SUCO: variants seen among roughly 807,000 people sequenced by gnomAD.
The protein encoded by SUCO is SUN domain containing ossification factor.
SUCO carries 57 observed loss-of-function variants against 148.1 expected under a neutral mutation model. The ratio of observed to expected loss-of-function variants is 0.38; its 90% CI spans 0.31 to 0.48. SUCO has a LOEUF of 0.48. Ranked by LOEUF, SUCO falls within the 20% of genes least tolerant of loss-of-function variation. SUCO has a pLI of 0.96. For synonymous variants in SUCO, 470 were observed against 502.7 expected, an observed-to-expected ratio of 0.93 and a Z score of 0.87; for missense variants, 1,331 against 1,468.2, an observed-to-expected ratio of 0.91 and a Z score of 1.53.
At chr1:172,575,377 A>T (rs1371681566) in intron 10 of SUCO, 141 bp from the exon 11 acceptor site, 1 of 560,362 alleles carries the variant, frequency 1.8e-6, no homozygotes, top group Non-Finnish European at 3.1e-6. Flanking sequence ...AAATGTATTA[A>T]ATGTATGTAT....
chr1:172,570,707 G>A lies in SUCO; in HGVS notation c.1026G>A (p.Leu342=). Residue 342 remains leucine, a synonymous_variant, in exon 9 of 24, where the codon TTG becomes TTA. Coordinates refer to ENST00000263688, the MANE Select transcript of SUCO (RefSeq NM_014283.5). ...TAGAAAATATGGATCTTTACATGTT[G>A]AATCCTTGCAGCACTAAAATTTGGT... ...ILIENMDLYM[L]NPCSTKIWFV... is the part of the protein sequence containing the mutation. The A allele has an allele frequency of 6.2e-7, 1 of 1,607,814 alleles. No individual in the cohort carries two copies.
chr1:172,548,124 CAAGTTT>C (rs1410613965), intron 1 of SUCO, among the ~76,000 whole-genome samples: 2 of 151,878 alleles, frequency 1.3e-5, no homozygotes, highest in Non-Finnish European at 2.9e-5. Flanking sequence ...TAGATCCATT[CAAGTTT>C]ATCAGTCTAT....
rs1656468574 is a variant in SUCO, at chr1:172,589,376, C to T, written c.2275C>T (p.His759Tyr). The T allele has an allele frequency of 6.2e-7, 1 of 1,613,588 alleles. No individual in the cohort carries two copies. The highest frequency in any genetic ancestry group is 8.5e-7 in the Non-Finnish European group (1 of 1,179,840). ...VSESVEYEAG[H>Y]IPSPVIPQES... is the part of the protein sequence containing the mutation. ...TGAGTCTGTTGAATATGAGGCAGGA[C>T]ATATACCATCACCAGTGATTCCCCA... is the stretch of plus-strand genomic sequence containing the variant. Residue 759 changes from histidine (H) to tyrosine (Y), a missense_variant, in exon 18 of 24, where the codon CAT becomes TAT. Physicochemically the swap from His to Tyr is moderately conservative, Grantham distance 83. Coordinates refer to ENST00000263688, the MANE Select transcript of SUCO (RefSeq NM_014283.5).
intron 22 of SUCO, among the ~76,000 whole-genome samples, chr1:172,606,818 A>G (rs983622212): frequency 1.3e-5 from 2 of 151,450 alleles, no homozygotes; most frequent in Admixed American, 6.6e-5. Context: ...TCTCTTTTAG[A>G]TTCTCATATT....
intron 1 of SUCO, among the ~76,000 whole-genome samples, chr1:172,548,709 G>C (rs1453598026): frequency 6.6e-6 from 1 of 151,966 alleles, no homozygotes; most frequent in East Asian, 1.9e-4. Context: ...GTTGCAGCAT[G>C]GTTGGAGAAT....
At chr1:172,549,503 A>G (rs114636949) in intron 1 of SUCO, among the ~76,000 whole-genome samples, 177 of 152,114 alleles carry the variant, frequency 1.2e-3, no homozygotes, top group African/African-American at 4.1e-3. Context: ...CATTAGGCAG[A>G]TATAAAAAGC....
intron 19 of SUCO, 113 bp from the exon 20 acceptor site, chr1:172,599,951 A>T: frequency 1.4e-6 from 1 of 697,002 alleles, no homozygotes; most frequent in Non-Finnish European, 2.3e-6. Context: ...GATTCCTATT[A>T]ATACATTTGT....
At chr1:172,549,251 T>G (rs1653098168) in intron 1 of SUCO, among the ~76,000 whole-genome samples, 1 of 151,864 alleles carries the variant, frequency 6.6e-6, no homozygotes, top group Non-Finnish European at 1.5e-5. Context: ...GTAAAGTTTC[T>G]TCATTAAAAC....
Position 172,533,332 on chromosome 1 carries a change from G to T in SUCO, c.-104G>T, listed in dbSNP as rs764170214. 2 of 1,551,478 alleles carry T rather than the reference G, an allele frequency of 1.3e-6. No homozygotes were observed. The highest frequency in any genetic ancestry group is 1.7e-6 in the Non-Finnish European group (2 of 1,146,990). ...AGCGCCATAGCCCTTAGGACTATCG[G>T]TCACATTCTCGCGCTCCTGCTCCGG... is the stretch of plus-strand genomic sequence containing the variant. On this transcript the variant is annotated 5_prime_UTR_variant, in exon 1 of 24. Coordinates refer to ENST00000263688, the MANE Select transcript of SUCO (RefSeq NM_014283.5).
intron 6 of SUCO, among the ~76,000 whole-genome samples, chr1:172,568,699 A>G (rs916548784): frequency 6.6e-6 from 1 of 152,164 alleles, no homozygotes; most frequent in African/African-American, 2.4e-5. Context: ...TGGCAAGTAT[A>G]CAATTTATTC....
At chr1:172,553,155 C>A (rs1350447576) in intron 2 of SUCO, 105 bp from the exon 3 acceptor site, 2 of 1,214,122 alleles carry the variant, frequency 1.6e-6, no homozygotes, top group South Asian at 4.7e-5. Flanking sequence ...ATAAACAAGG[C>A]AGTTTTTTGG....
Position 172,573,875 on chromosome 1 carries a change from T to C in SUCO, c.1050-16T>C. The C allele has an allele frequency of 7.1e-7, 1 of 1,416,154 alleles. No homozygotes were observed. Among genetic ancestry groups the C allele is most frequent in the African/African-American group, 1.4e-5 (1 of 70,480 alleles). The allele number at this position is 1,416,154 out of a possible 1,614,324, so 87.7% of individuals were successfully genotyped here. ...TTTTGATTGGTTTAAGTAATTGTCT[T>C]TTGTTCTTTTTGAAGGTTTGTTATT... On this transcript the variant is annotated splice_polypyrimidine_tract_variant and intron_variant, in intron 9 of 23. Transcript: ENST00000263688.
chr1:172,586,989 T>A (rs1411440435), intron 17 of SUCO, among the ~76,000 whole-genome samples: 1 of 152,126 alleles, frequency 6.6e-6, no homozygotes, highest in African/African-American at 2.4e-5. Flanking sequence ...TGATTGCTGT[T>A]CCTGATTTTG....
chr1:172,551,190 A>G (rs1211799770), intron 1 of SUCO, among the ~76,000 whole-genome samples: 1 of 152,046 alleles, frequency 6.6e-6, no homozygotes, highest in African/African-American at 2.4e-5. Flanking sequence ...AAGAACTGGT[A>G]CTTTCCGAGG....
chr1:172,547,975 A>G (rs563871542), intron 1 of SUCO, among the ~76,000 whole-genome samples: 6 of 152,230 alleles, frequency 3.9e-5, no homozygotes, highest in African/African-American at 1.4e-4. Context: ...TAAGTAAAAT[A>G]TTAACAATGG....
At position 172,589,537 on chromosome 1, in the gene SUCO, C is replaced by T; in HGVS notation, c.2436C>T (p.Asn812=). The change falls in exon 18 of 24, where the codon AAC becomes AAT. Residue 812 remains asparagine, a synonymous_variant. Transcript: ENST00000263688. The part of the protein sequence containing the change: ...LMDNIIKEDV[N]SMQIFTKLSE... ...ATAATATTATAAAAGAAGATGTGAA[C>T]TCCATGCAAATTTTCACAAAGCTGT... The T allele has an allele frequency of 6.2e-7, 1 of 1,613,646 alleles. No homozygotes were observed. Among genetic ancestry groups the T allele is most frequent in the Non-Finnish European group, 8.5e-7 (1 of 1,179,832 alleles).
chr1:172,577,257 A>C (rs376606051), intron 11 of SUCO: 1 of 168,148 alleles, frequency 5.9e-6, no homozygotes, highest in South Asian at 2.0e-4. Context: ...TCTAACAGCT[A>C]TATAAAATAA....
chr1:172,610,269 A>T lies in SUCO; in HGVS notation c.*10A>T. 6.4e-7 allele frequency: 1 copy of T among 1,563,862 alleles called. No individual in the cohort carries two copies. The highest frequency in any genetic ancestry group is 8.6e-7 in the Non-Finnish European group (1 of 1,159,780). On this transcript the variant is annotated 3_prime_UTR_variant, in exon 24 of 24. Coordinates refer to ENST00000263688, the MANE Select transcript of SUCO (RefSeq NM_014283.5). The stretch of plus-strand genomic sequence containing the variant: ...CTCGGGACATATCTAAAATTAATTG[A>T]ACTTTTCATACAGAAGACTTTTTTG...
intron 1 of SUCO, among the ~76,000 whole-genome samples, chr1:172,545,937 T>G (rs1329688223): frequency 6.6e-6 from 1 of 151,996 alleles, no homozygotes; most frequent in African/African-American, 2.4e-5. Flanking sequence ...TTTCCTTTCC[T>G]TTCCTTTCTT....
Sources: allele counts gnomAD v4.1 joint callset (sites outside exome capture counted in the v4.1 genomes callset), GRCh38; gene constraint gnomAD v4.1.1; transcripts MANE v1.5; gene names NCBI Gene and HGNC (gene_info 2026-07-23, HGNC 2026-07-21).